SMARCA2: variants seen among roughly 807,000 people sequenced by gnomAD.
SMARCA2 encodes SWI/SNF-related matrix-associated actin-dependent regulator of chromatin subfamily A member 2.
SMARCA2 carries 61 observed loss-of-function variants against 199.8 expected under a neutral mutation model. That is an observed-to-expected ratio of 0.31 (90% CI 0.25 to 0.38). The LOEUF (loss-of-function observed/expected upper bound fraction) is 0.38. Ranked by LOEUF, SMARCA2 falls within the 10% of genes least tolerant of loss-of-function variation. The probability of loss-of-function intolerance (pLI) is 1.00; values close to 1 mark genes in which losing one functional copy is unlikely to be tolerated. For missense variants in SMARCA2, 1,344 were observed against 2,012.2 expected (o/e 0.67, Z 6.35); for synonymous variants, 935 against 732.0 (o/e 1.28, Z -4.48).
chr9:2,136,303 T>G (rs1824194296), intron 27 of SMARCA2, among the ~76,000 whole-genome samples: 2 of 151,192 alleles, frequency 1.3e-5, no homozygotes, highest in Non-Finnish European at 2.9e-5. Flanking sequence ...TTCTTGTGCC[T>G]CAGCCTCCCG....
At chr9:2,180,106 T>G (rs1038315399) in intron 29 of SMARCA2, among the ~76,000 whole-genome samples, 10 of 152,212 alleles carry the variant, frequency 6.6e-5, no homozygotes, top group African/African-American at 1.9e-4. Flanking sequence ...TAGGGGTGGT[T>G]GAGAGGGTGA....
At position 2,169,600 on chromosome 9, in the gene SMARCA2, A is replaced by C. The variant is rs1200444982; in HGVS notation, c.4200-819A>C. Among the ~76,000 whole-genome samples, 1 of 152,032 alleles carries C rather than the reference A, an allele frequency of 6.6e-6. No homozygotes were observed. The highest frequency in any genetic ancestry group is 6.6e-5 in the Admixed American group (1 of 15,246). ...GACTCTAGAGCAGAATGGGGCAGTGACTCCGAGAAGGGATTTATACATGGA... is the reference window on the plus strand; with the variant it reads ...GACTCTAGAGCAGAATGGGGCAGTGCCTCCGAGAAGGGATTTATACATGGA... On this transcript the variant is annotated intron_variant, in intron 28 of 33. Transcript: ENST00000349721. The surrounding 1 kb of genome is among the most constrained non-coding windows in gnomAD (Gnocchi z 6.5).
intron 3 of SMARCA2, among the ~76,000 whole-genome samples, chr9:2,035,973 GA>G (rs1366684283): frequency 6.6e-6 from 1 of 152,094 alleles, no homozygotes; most frequent in African/African-American, 2.4e-5. Flanking sequence ...AAAAACACAG[GA>G]ACAGAGAGAT....
chr9:2,071,975 T>C (rs1319391810), intron 10 of SMARCA2: 4 of 152,232 alleles, frequency 2.6e-5, no homozygotes, highest in Non-Finnish European at 4.4e-5. Context: ...AAGCCTTTTC[T>C]CTTTTTAAGG....
intron 32 of SMARCA2, among the ~76,000 whole-genome samples, chr9:2,189,679 C>G (rs1178154378): frequency 6.6e-6 from 1 of 151,962 alleles, no homozygotes; most frequent in Non-Finnish European, 1.5e-5. Context: ...AGGGCCCCAC[C>G]TTATAGCTTG....
chr9:2,149,061 T>A (rs1332639315), intron 27 of SMARCA2, among the ~76,000 whole-genome samples: 1 of 151,020 alleles, frequency 6.6e-6, no homozygotes, highest in African/African-American at 2.4e-5. Context: ...CCTGTATTAG[T>A]CTGTTTTCAC....
At chr9:2,046,702 T>C (rs1586643835) in intron 4 of SMARCA2, among the ~76,000 whole-genome samples, 7 of 152,310 alleles carry the variant, frequency 4.6e-5, no homozygotes, top group Admixed American at 3.9e-4. Flanking sequence ...CAGATTGGGA[T>C]AGAGGTCTGT....
chr9:2,113,862 G>T (rs901607560), intron 24 of SMARCA2, among the ~76,000 whole-genome samples: 5 of 152,094 alleles, frequency 3.3e-5, no homozygotes, highest in Non-Finnish European at 7.4e-5. Context: ...TCGCGGGCTC[G>T]GTCTGACCTG....
chr9:2,188,714 G>A (rs1827665206), intron 32 of SMARCA2, among the ~76,000 whole-genome samples: 2 of 152,110 alleles, frequency 1.3e-5, no homozygotes, highest in East Asian at 3.8e-4. Flanking sequence ...TACCTCTTGT[G>A]GGTCACAGGT....
At chr9:2,144,583 A>G (rs1178400624) in intron 27 of SMARCA2, among the ~76,000 whole-genome samples, 2 of 152,192 alleles carry the variant, frequency 1.3e-5, no homozygotes, top group Non-Finnish European at 2.9e-5. Flanking sequence ...GGAGCCTCCC[A>G]TCAGTAGTTA....
intron 19 of SMARCA2, among the ~76,000 whole-genome samples, chr9:2,095,319 C>T (rs149452124): frequency 6.6e-6 from 1 of 151,994 alleles, no homozygotes; most frequent in African/African-American, 2.4e-5. Context: ...CTCCTGACCT[C>T]GTGATTCGCC....
At chr9:2,077,858 C>T (rs1821395448) in intron 14 of SMARCA2, 82 bp downstream of exon 14, 1 of 1,301,096 alleles carries the variant, frequency 7.7e-7, no homozygotes, top group Non-Finnish European at 1.1e-6. Context: ...CACATGTTGA[C>T]TAAGGGCTTT....
chr9:2,023,293 A>G (rs1309434659), intron 1 of SMARCA2, among the ~76,000 whole-genome samples: 1 of 152,210 alleles, frequency 6.6e-6, no homozygotes, highest in East Asian at 1.9e-4. Context: ...ACCATTCCCA[A>G]GGCAGTTTAT....
chr9:2,105,503 C>T (rs990017471), intron 23 of SMARCA2, among the ~76,000 whole-genome samples: 1 of 152,138 alleles, frequency 6.6e-6, no homozygotes, highest in African/African-American at 2.4e-5. Context: ...ATCCACCTGC[C>T]TCGGCCTCCC....
At chr9:2,146,210 G>T (rs1252119347) in intron 27 of SMARCA2, among the ~76,000 whole-genome samples, 1 of 152,100 alleles carries the variant, frequency 6.6e-6, no homozygotes, top group Non-Finnish European at 1.5e-5. Context: ...TGGTAGAAGG[G>T]ACATGGGAGC....
chr9:2,040,014 ACC>A, intron 4 of SMARCA2, 114 bp downstream of exon 4: 2 of 1,521,710 alleles, frequency 1.3e-6, no homozygotes, highest in Non-Finnish European at 1.8e-6. Context: ...CTTTTGTTAT[ACC>A]TCACTGGCTC....
In SMARCA2 at chr9:2,104,478, C is replaced by T. The variant is rs978224921; in HGVS notation, c.3292+309C>T. 2.0e-5 allele frequency among the ~76,000 whole-genome samples: 3 copies of T among 152,140 alleles called. No individual in the cohort carries two copies. The highest frequency in any genetic ancestry group is 4.4e-5 in the Non-Finnish European group (3 of 68,022). ...ATCTTCCTTGCTCTTAAAATTGTTACCTATGTGCCAAAGATATAGAATACA... is the reference window on the plus strand; with the variant it reads ...ATCTTCCTTGCTCTTAAAATTGTTATCTATGTGCCAAAGATATAGAATACA... On this transcript the variant is annotated intron_variant, in intron 23 of 33. Transcript: ENST00000349721. The surrounding 1 kb of genome is among the most constrained non-coding windows in gnomAD (Gnocchi z 4.0).
intron 19 of SMARCA2, among the ~76,000 whole-genome samples, chr9:2,091,799 A>C (rs537079785): frequency 6.6e-6 from 1 of 152,324 alleles, no homozygotes; most frequent in African/African-American, 2.4e-5. Context: ...TAGCCATTCA[A>C]TAGGTGCATA....
chr9:2,055,388 CTT>C (rs916947411), intron 6 of SMARCA2, among the ~76,000 whole-genome samples: 3 of 152,216 alleles, frequency 2.0e-5, no homozygotes, highest in African/African-American at 7.2e-5. Flanking sequence ...CTAATTTTCA[CTT>C]TGGCGAGTTT....
Sources: allele counts gnomAD v4.1 joint callset (sites outside exome capture counted in the v4.1 genomes callset), GRCh38; gene constraint gnomAD v4.1.1; non-coding constraint Gnocchi (gnomAD v3.1); transcripts MANE v1.5; gene names NCBI Gene and HGNC (gene_info 2026-07-23, HGNC 2026-07-21).